COG5: variants seen among roughly 807,000 people sequenced by gnomAD.
The protein encoded by COG5 is component of oligomeric golgi complex 5, also known as conserved oligomeric Golgi complex subunit 5.
A neutral mutation model predicts 110.4 loss-of-function variants in COG5; 86 were observed. The observed-to-expected ratio is 0.78, with a 90% confidence interval of 0.65 to 0.93. The LOEUF is 0.93. COG5 is among the 40% of genes least tolerant of loss of function. The pLI, the probability that COG5 is intolerant of heterozygous loss-of-function variation, is 0.00. For missense variants in COG5, 1,077 were observed against 987.0 expected (o/e 1.09, Z -1.22); for synonymous variants, 360 against 334.6 (o/e 1.08, Z -0.83).
intron 12 of COG5, among the ~76,000 whole-genome samples, chr7:107,294,418 T>C (rs548001355): frequency 1.3e-5 from 2 of 152,260 alleles, no homozygotes; most frequent in East Asian, 1.9e-4. Context: ...ATAAACAAAA[T>C]AGCTTCCATC....
intron 6 of COG5, among the ~76,000 whole-genome samples, chr7:107,494,606 T>C (rs1019749901): frequency 6.6e-6 from 1 of 152,170 alleles, no homozygotes; most frequent in Admixed American, 6.6e-5. Context: ...GGCTACATCA[T>C]CTAGGTTTGT....
At chr7:107,308,858 T>C (rs1440404620) in intron 11 of COG5, among the ~76,000 whole-genome samples, 2 of 150,196 alleles carry the variant, frequency 1.3e-5, no homozygotes, top group African/African-American at 4.9e-5. Context: ...TGGTAGATGG[T>C]CTATTCAAAG....
intron 17 of COG5, among the ~76,000 whole-genome samples, chr7:107,243,013 C>CT (rs1262146337): frequency 3.7e-5 from 4 of 109,146 alleles, no homozygotes; most frequent in Non-Finnish European, 7.2e-5. Context: ...GGAAAATATA[C>CT]CAAGCAAACG....
chr7:107,314,918 T>G (rs1808594976), intron 11 of COG5, among the ~76,000 whole-genome samples: 9 of 152,218 alleles, frequency 5.9e-5, no homozygotes, highest in Admixed American at 4.6e-4. Flanking sequence ...AAAAGATCCC[T>G]CTTATCTCAA....
intron 6 of COG5, among the ~76,000 whole-genome samples, chr7:107,508,984 G>C (rs1289807256): frequency 6.6e-6 from 1 of 152,266 alleles, no homozygotes; most frequent in Non-Finnish European, 1.5e-5. Flanking sequence ...CTAAAAATCA[G>C]AGCGCCTCTC....
chr7:107,483,742 A>G (rs902395500), intron 6 of COG5, among the ~76,000 whole-genome samples: 27 of 152,060 alleles, frequency 1.8e-4, no homozygotes, highest in Non-Finnish European at 1.3e-4. Context: ...CCATAACTCA[A>G]TAATTCAGGT....
intron 7 of COG5, among the ~76,000 whole-genome samples, chr7:107,373,072 A>C (rs904951574): frequency 6.6e-6 from 1 of 152,124 alleles, no homozygotes; most frequent in South Asian, 2.1e-4. Flanking sequence ...ATCTACCACC[A>C]ATCCCTATAA....
At chr7:107,513,530 C>G (rs1339667822) in intron 6 of COG5, among the ~76,000 whole-genome samples, 1 of 152,138 alleles carries the variant, frequency 6.6e-6, no homozygotes, top group Non-Finnish European at 1.5e-5. Flanking sequence ...CCATTTGACC[C>G]AGCCATCCCA....
chr7:107,249,703 TG>T (rs1336152480), intron 16 of COG5, among the ~76,000 whole-genome samples: 3 of 136,514 alleles, frequency 2.2e-5, no homozygotes, highest in African/African-American at 1.0e-4. Flanking sequence ...TGTGTGTGTG[TG>T]TGTGTGTGTG....
chr7:107,365,596 C>CAAAAAAAAAAAAAAAAAAAAAAAAAAAA (rs71134263), intron 8 of COG5, among the ~76,000 whole-genome samples: 3 of 36,692 alleles, frequency 8.2e-5, no homozygotes, highest in Admixed American at 4.4e-4. Flanking sequence ...TGCAAAATGA[C>CAAAAAAAAAAAAAAAAAAAAAAAAAAAA]AAAAAAAAAA....
intron 7 of COG5, among the ~76,000 whole-genome samples, chr7:107,411,975 G>C (rs1295540396): frequency 6.6e-6 from 1 of 152,040 alleles, no homozygotes; most frequent in Non-Finnish European, 1.5e-5. Context: ...TCAGGAAAAT[G>C]ATACCTTAGG....
chr7:107,404,908 A>C (rs1791705862), intron 7 of COG5, among the ~76,000 whole-genome samples: 1 of 147,224 alleles, frequency 6.8e-6, no homozygotes, highest in South Asian at 2.1e-4. Flanking sequence ...AAAAAAAAAA[A>C]CAGTTGGCCA....
At chr7:107,247,718 G>T (rs1802158527) in intron 17 of COG5, among the ~76,000 whole-genome samples, 1 of 152,140 alleles carries the variant, frequency 6.6e-6, no homozygotes, top group Admixed American at 6.5e-5. Context: ...TATTTTAAAA[G>T]ATTTCTGTAA....
chr7:107,304,809 C>T (rs1174212492), intron 11 of COG5, among the ~76,000 whole-genome samples: 1 of 152,100 alleles, frequency 6.6e-6, no homozygotes, highest in Non-Finnish European at 1.5e-5. Context: ...CTTCAGATGC[C>T]CAAATACTGG....
At chr7:107,210,282 TG>T in intron 21 of COG5, 1 of 1,393,420 alleles carries the variant, frequency 7.2e-7, no homozygotes, top group Non-Finnish European at 9.3e-7. Flanking sequence ...TAGGGTTGCA[TG>T]GGACACAGGA....
At chr7:107,214,836 C>T (rs762614298) in intron 19 of COG5, among the ~76,000 whole-genome samples, 1 of 151,114 alleles carries the variant, frequency 6.6e-6, no homozygotes, top group Non-Finnish European at 1.5e-5. Context: ...TCATGAGAAT[C>T]GCTTGAACGG....
Position 107,412,570 on chromosome 7 carries a change from T to C in COG5, c.601A>G (p.Ile201Val). The C allele has an allele frequency of 1.9e-6, 3 of 1,608,718 alleles. No individual in the cohort carries two copies. Among genetic ancestry groups the C allele is most frequent in the Non-Finnish European group, 2.6e-6 (3 of 1,175,680 alleles). Residue 201 changes from isoleucine (I) to valine (V), a missense_variant, in exon 7 of 22, where the codon ATT (isoleucine) becomes GTT (valine). By Grantham distance (29) the Ile-to-Val change is conservative (BLOSUM62 3). Transcript: ENST00000297135. ...IEVIENDLLF[I>V]ARARLEVENQ... ...TCCACTTCAAGTCGGGCTCTTGCAA[T>C]AAAAAGTAGATCATTTTCTATCACT...
rs1799600256 is a variant in COG5 at position 107,217,282 on chromosome 7, C to G, written c.2169-6057G>C. On this transcript the variant is annotated intron_variant, in intron 19 of 21. Coordinates refer to ENST00000297135, the MANE Select transcript of COG5 (RefSeq NM_006348.5). ...CTCCAATCAAAGAAAAGCCCAGGACCTGATGGCTCCACAGGTGAATTCTAT... is the reference window on the plus strand; with the variant it reads ...CTCCAATCAAAGAAAAGCCCAGGACGTGATGGCTCCACAGGTGAATTCTAT... Among the ~76,000 whole-genome samples the G allele has an allele frequency of 2.0e-5, 3 of 152,200 alleles. No homozygotes were observed. In the East Asian group the frequency reaches 5.8e-4, roughly 29 times the overall value.
intron 6 of COG5, among the ~76,000 whole-genome samples, chr7:107,416,730 GATA>G (rs1283794351): frequency 2.0e-5 from 3 of 152,098 alleles, no homozygotes; most frequent in Non-Finnish European, 4.4e-5. Context: ...AATAGACATG[GATA>G]ATAAGACAAA....
Sources: gnomAD v4.1 joint callset for allele counts (sites outside exome capture counted in the v4.1 genomes callset) on GRCh38, gnomAD v4.1.1 for gene constraint, MANE v1.5 for transcripts, NCBI Gene and HGNC (gene_info 2026-07-23, HGNC 2026-07-21) for gene names.